KLHL6: variants seen among roughly 807,000 people sequenced by gnomAD.
KLHL6 encodes kelch-like protein 6.
KLHL6 carries 41 observed loss-of-function variants against 58.6 expected under a neutral mutation model. That is an observed-to-expected ratio of 0.70 (90% CI 0.55 to 0.91). The LOEUF (loss-of-function observed/expected upper bound fraction) is 0.91. Among genes scored for constraint, KLHL6 ranks in the 40% least tolerant of loss-of-function variants. The probability of loss-of-function intolerance (pLI) is 0.00; values close to 1 mark genes in which losing one functional copy is unlikely to be tolerated. For synonymous variants in KLHL6, 338 were observed against 322.7 expected, an observed-to-expected ratio of 1.05 and a Z score of -0.51; for missense variants, 714 against 805.6, an observed-to-expected ratio of 0.89 and a Z score of 1.38.
chr3:183,505,683 A>T (rs898105231), intron 3 of KLHL6, among the ~76,000 whole-genome samples: 2 of 152,130 alleles, frequency 1.3e-5, no homozygotes, highest in African/African-American at 4.8e-5. Context: ...ACAAATTACC[A>T]ATATCTGGAA....
chr3:183,525,327 G>A lies in KLHL6; in HGVS notation c.459+2518C>T, dbSNP rs115630061. Among the ~76,000 whole-genome samples, 839 of 143,824 alleles carry A rather than the reference G, an allele frequency of 5.8e-3. 5 individuals are homozygous for A. The highest frequency in any genetic ancestry group is 0.02 in the African/African-American group (780 of 39,666). 94.4% of individuals were successfully genotyped at this position (143,824 alleles called of 152,430 possible). ...ACATGGTCTCTTACAATCCTAACCC[G>A]GGGGGGAAAATTTAGGAATACCTTA... On this transcript the variant is annotated intron_variant, in intron 2 of 6. Transcript: ENST00000341319.
At chr3:183,523,315 A>T (rs1424950190) in intron 2 of KLHL6, among the ~76,000 whole-genome samples, 1 of 152,242 alleles carries the variant, frequency 6.6e-6, no homozygotes, top group Admixed American at 6.5e-5. Context: ...CCTCATGCGC[A>T]TTCATCCTAT....
chr3:183,495,998 T>C (rs547002673), intron 4 of KLHL6, among the ~76,000 whole-genome samples: 13 of 152,290 alleles, frequency 8.5e-5, no homozygotes, highest in African/African-American at 3.1e-4. Flanking sequence ...AAAATAAAAT[T>C]CAAATGTTAC....
Position 183,491,994 on chromosome 3 carries a change from C to T in KLHL6, c.1799G>A (p.Gly600Asp), listed in dbSNP as rs1323053267. ...CVLPRGVSHH[G>D]SVTIRKSYTH... ...GTACGACTTCCTGATGGTGACGCTG[C>T]CGTGGTGCGACACGCCCCGGGGCAG... The change falls in exon 7 of 7, where the codon GGC becomes GAC. Residue 600 changes from glycine to aspartate, a missense_variant. By Grantham distance (94) the Gly-to-Asp change is moderately conservative. This residue lies in a region of KLHL6 where 510 missense variants were observed against 629.7 expected (regional missense o/e 0.81). Coordinates refer to ENST00000341319, the MANE Select transcript of KLHL6 (RefSeq NM_130446.4). 7.5e-6 allele frequency: 12 copies of T among 1,594,368 alleles called. No homozygotes were observed. Among genetic ancestry groups the T allele is most frequent in the Non-Finnish European group, 1.0e-5 (12 of 1,167,394 alleles).
At chr3:183,532,754 A>T (rs1712202772) in intron 1 of KLHL6, among the ~76,000 whole-genome samples, 2 of 152,170 alleles carry the variant, frequency 1.3e-5, no homozygotes, top group Admixed American at 1.3e-4. Flanking sequence ...GATAACCTGG[A>T]TCCTGCTTGT....
chr3:183,492,115 G>C lies in KLHL6; in HGVS notation c.1678C>G (p.Leu560Val), dbSNP rs551153731. Reference protein sequence around the residue: ...SCGIAPCNNRLYITGGRDEKN... With the variant: ...SCGIAPCNNRVYITGGRDEKN... ...TCGTCCCGCCCGCCGGTGATGTAGA[G>C]CCGGTTGTTGCAGGGCGCGATACCG... Residue 560 changes from leucine (L) to valine (V), a missense_variant, in exon 7 of 7, where the codon CTC becomes GTC. Transcript: ENST00000341319. The surrounding 1 kb of genome is among the most constrained non-coding windows in gnomAD (Gnocchi z 5.9). 6.2e-7 allele frequency: 1 copy of C among 1,613,864 alleles called. No homozygotes were observed. Among genetic ancestry groups the C allele is most frequent in the African/African-American group, 1.3e-5 (1 of 75,058 alleles).
intron 2 of KLHL6, among the ~76,000 whole-genome samples, chr3:183,518,052 TGCCACCATCCTATGAG>T (rs1433487769): frequency 4.6e-5 from 7 of 152,322 alleles, no homozygotes; most frequent in African/African-American, 1.7e-4. Flanking sequence ...CCAATCCTAC[TGCCACCATCCTATGAG>T]GTCCAATTCA....
At chr3:183,528,200 C>A (rs1274471948) in intron 1 of KLHL6, among the ~76,000 whole-genome samples, 190 bp from the exon 2 acceptor site, 1 of 152,154 alleles carries the variant, frequency 6.6e-6, no homozygotes, top group African/African-American at 2.4e-5. Context: ...CCGAGCTGAA[C>A]TGAACTGCCC....
chr3:183,526,517 A>G (rs1257700810), intron 2 of KLHL6, among the ~76,000 whole-genome samples: 2 of 152,200 alleles, frequency 1.3e-5, no homozygotes, highest in Non-Finnish European at 2.9e-5. Flanking sequence ...TTATTTTCTT[A>G]AGAATTGACA....
At chr3:183,512,021 G>A (rs1458924734) in intron 2 of KLHL6, among the ~76,000 whole-genome samples, 5 of 152,196 alleles carry the variant, frequency 3.3e-5, no homozygotes, top group Admixed American at 6.5e-5. Context: ...ATGAGCAACC[G>A]TGGAAACAGT....
intron 2 of KLHL6, among the ~76,000 whole-genome samples, chr3:183,524,595 C>G (rs759587232): frequency 1.6e-4 from 24 of 152,122 alleles, no homozygotes; most frequent in Non-Finnish European, 2.8e-4. Flanking sequence ...CATGACGTTG[C>G]CTGGCCTGGT....
At chr3:183,527,753 A>G (rs1265900406) in intron 2 of KLHL6, 92 bp downstream of exon 2, 3 of 1,004,340 alleles carry the variant, frequency 3.0e-6, no homozygotes, top group African/African-American at 1.6e-5. Flanking sequence ...TGTCCCAGGT[A>G]CAGGCCTGGG....
chr3:183,520,387 T>G (rs1711716113), intron 2 of KLHL6: 1 of 151,896 alleles, frequency 6.6e-6, no homozygotes. Flanking sequence ...TTGTGGGTAT[T>G]TCTCATCAGG....
intron 3 of KLHL6, among the ~76,000 whole-genome samples, chr3:183,502,299 T>TCTC (rs1245390880): frequency 1.8e-5 from 2 of 108,906 alleles, no homozygotes; most frequent in Non-Finnish European, 4.2e-5. Flanking sequence ...CGAAACTCCA[T>TCTC]CTCAAAAAAA....
At chr3:183,506,084 C>CTTCT (rs1355396047) in intron 3 of KLHL6, among the ~76,000 whole-genome samples, 6 of 152,208 alleles carry the variant, frequency 3.9e-5, no homozygotes, top group Non-Finnish European at 5.9e-5. Context: ...TTGGCTAAGG[C>CTTCT]TTCTACCAAT....
In KLHL6 at chr3:183,491,943, C is replaced by G; in HGVS notation, c.1850G>C (p.Gly617Ala). The G allele has an allele frequency of 1.3e-6, 2 of 1,507,588 alleles. No individual in the cohort carries two copies. The highest frequency in any genetic ancestry group is 1.8e-6 in the Non-Finnish European group (2 of 1,125,152). 93.4% of individuals were successfully genotyped at this position (1,507,588 alleles called of 1,614,324 possible). A position where few individuals can be genotyped will look rare whatever the true frequency, so the allele number is the denominator to read the frequency against. ...ATCCTGCCGTCAGACAGACACTGCT[C>G]CGGGCACGATCCTGCGGATGTGGGT... ...SYTHIRRIVPGAVSV is the reference protein window; with the variant it reads ...SYTHIRRIVPAAVSV The change falls in exon 7 of 7, where the codon GGA becomes GCA. Residue 617 changes from glycine to alanine, a missense_variant. Gly to Ala is a moderately conservative substitution (Grantham distance 60). This residue lies in a region of KLHL6 where 510 missense variants were observed against 629.7 expected (regional missense o/e 0.81). Transcript: ENST00000341319.
At chr3:183,548,577 A>G (rs1371364898) in intron 1 of KLHL6, among the ~76,000 whole-genome samples, 1 of 152,202 alleles carries the variant, frequency 6.6e-6, no homozygotes, top group Admixed American at 6.5e-5. Context: ...ATCAGGCATA[A>G]GGCCAGGAAT....
chr3:183,524,759 C>T (rs1048553357), intron 2 of KLHL6, among the ~76,000 whole-genome samples: 1 of 152,146 alleles, frequency 6.6e-6, no homozygotes, highest in Non-Finnish European at 1.5e-5. Flanking sequence ...AATTAAGAAG[C>T]GTTTATTACT....
At chr3:183,507,980 C>A (rs1718057037) in intron 3 of KLHL6, 79 bp downstream of exon 3, 5 of 1,301,852 alleles carry the variant, frequency 3.8e-6, no homozygotes, top group Non-Finnish European at 5.4e-6. Flanking sequence ...TTTGAATCCG[C>A]TTTGCTTGCA....
Sources: gnomAD v4.1 joint callset for allele counts (sites outside exome capture counted in the v4.1 genomes callset) on GRCh38, gnomAD v4.1.1 for gene constraint, gnomAD v4.1.1 regional missense constraint, Gnocchi (gnomAD v3.1) non-coding constraint, MANE v1.5 for transcripts, NCBI Gene and HGNC (gene_info 2026-07-23, HGNC 2026-07-21) for gene names.